The following GPR158 variants were observed in gnomAD, a reference collection of about 807,000 sequenced individuals.
The protein encoded by GPR158 is metabotropic glycine receptor.
In GPR158, 30 loss-of-function variants were observed where a neutral mutation model predicts 78.2. The observed-to-expected ratio is 0.38, with a 90% CI of 0.29 to 0.52. The LOEUF is 0.52. Among genes scored for constraint, GPR158 ranks in the 20% least tolerant of loss-of-function variants. GPR158 has a pLI of 0.83. For synonymous variants in GPR158, 581 were observed against 591.1 expected (o/e 0.98, Z 0.25); for missense variants, 1,463 against 1,523.5 (o/e 0.96, Z 0.66).
chr10:25,292,743 C>T (rs780197195), intron 2 of GPR158, among the ~76,000 whole-genome samples: 4 of 152,072 alleles, frequency 2.6e-5, no homozygotes, highest in Non-Finnish European at 5.9e-5. Context: ...CTTCCTCTCC[C>T]CACATACACA....
At chr10:25,450,548 A>AT (rs1181297821) in intron 4 of GPR158, among the ~76,000 whole-genome samples, 2 of 151,728 alleles carry the variant, frequency 1.3e-5, no homozygotes, top group African/African-American at 4.8e-5. Flanking sequence ...ATTCCGTAAA[A>AT]ATTTTTAAAT....
intron 2 of GPR158, among the ~76,000 whole-genome samples, chr10:25,362,848 A>T (rs928825426): frequency 1.2e-4 from 18 of 151,904 alleles, no homozygotes; most frequent in African/African-American, 4.3e-4. Flanking sequence ...ATCCTTGTTA[A>T]TTGACTTTCC....
chr10:25,292,300 G>C (rs923817472), intron 2 of GPR158, among the ~76,000 whole-genome samples: 1 of 151,986 alleles, frequency 6.6e-6, no homozygotes, highest in Non-Finnish European at 1.5e-5. Flanking sequence ...TTTCTATAAT[G>C]CATTTTAAAG....
At chr10:25,368,179 CCTTA>C (rs1833925289) in intron 2 of GPR158, among the ~76,000 whole-genome samples, 1 of 151,844 alleles carries the variant, frequency 6.6e-6, no homozygotes, top group Admixed American at 6.6e-5. Flanking sequence ...TTCCTTTCTG[CCTTA>C]CTTCCCTTCT....
chr10:25,289,150 CA>C (rs1226632499), intron 2 of GPR158, among the ~76,000 whole-genome samples: 9 of 152,130 alleles, frequency 5.9e-5, no homozygotes, highest in Non-Finnish European at 1.2e-4. Context: ...TTCATTTACC[CA>C]AAAACATTTA....
intron 5 of GPR158, among the ~76,000 whole-genome samples, chr10:25,548,042 T>C (rs754788769): frequency 2.0e-5 from 3 of 152,154 alleles, no homozygotes; most frequent in Non-Finnish European, 4.4e-5. Context: ...AGTAAATAAA[T>C]ATTGAATATG....
chr10:25,397,854 A>G (rs1282972922), intron 3 of GPR158, among the ~76,000 whole-genome samples: 1 of 152,174 alleles, frequency 6.6e-6, no homozygotes, highest in Non-Finnish European at 1.5e-5. Context: ...GAGTGAGGAT[A>G]TAGTCACTTT....
intron 2 of GPR158, among the ~76,000 whole-genome samples, chr10:25,378,104 T>C (rs1834106954): frequency 6.6e-6 from 1 of 152,146 alleles, no homozygotes; most frequent in Non-Finnish European, 1.5e-5. Context: ...TGGTTATTTT[T>C]TTAAAACTCT....
intron 2 of GPR158, among the ~76,000 whole-genome samples, chr10:25,347,698 C>A (rs1855392077): frequency 6.6e-6 from 1 of 152,038 alleles, no homozygotes; most frequent in Admixed American, 6.6e-5. Context: ...ATAATTCATT[C>A]ATTCCTATGG....
intron 4 of GPR158, among the ~76,000 whole-genome samples, chr10:25,450,281 G>T (rs1293942034): frequency 6.6e-6 from 1 of 151,822 alleles, no homozygotes; most frequent in African/African-American, 2.4e-5. Context: ...AGCCATGGGG[G>T]ACCCAAGGCT....
intron 2 of GPR158, among the ~76,000 whole-genome samples, chr10:25,322,908 G>A (rs998177240): frequency 1.3e-5 from 2 of 152,014 alleles, no homozygotes; most frequent in Non-Finnish European, 2.9e-5. Context: ...GTGCAGTGGT[G>A]CTATCTTGGC....
intron 2 of GPR158, among the ~76,000 whole-genome samples, chr10:25,388,722 G>A (rs1834253910): frequency 6.6e-6 from 1 of 152,238 alleles, no homozygotes; most frequent in Non-Finnish European, 1.5e-5. Flanking sequence ...CAAGATTCCT[G>A]CACTCCCATG....
At chr10:25,232,296 A>G (rs1853459068) in intron 2 of GPR158, among the ~76,000 whole-genome samples, 1 of 152,140 alleles carries the variant, frequency 6.6e-6, no homozygotes, top group Middle Eastern at 3.4e-3. Context: ...CTTATGTGGG[A>G]AAAAAATCCC....
intron 5 of GPR158, among the ~76,000 whole-genome samples, chr10:25,533,609 A>AT (rs1294630587): frequency 6.6e-6 from 1 of 151,986 alleles, no homozygotes; most frequent in Non-Finnish European, 1.5e-5. Flanking sequence ...TTCTTTATAT[A>AT]TTTCATTTAT....
At chr10:25,335,271 A>C (rs924830393) in intron 2 of GPR158, among the ~76,000 whole-genome samples, 1 of 152,120 alleles carries the variant, frequency 6.6e-6, no homozygotes, top group Admixed American at 6.6e-5. Context: ...CAGATGCCAA[A>C]GATGCAACTG....
chr10:25,566,530 G>A (rs756689630), intron 6 of GPR158, among the ~76,000 whole-genome samples: 36 of 151,502 alleles, frequency 2.4e-4, no homozygotes, highest in Non-Finnish European at 4.1e-4. Flanking sequence ...TCCTTATTCC[G>A]TCTACCTTCA....
At chr10:25,543,114 TTTTTTA>T (rs1256793956) in intron 5 of GPR158, among the ~76,000 whole-genome samples, 1 of 152,194 alleles carries the variant, frequency 6.6e-6, no homozygotes, top group African/African-American at 2.4e-5. Flanking sequence ...ATACTTTTTA[TTTTTTA>T]TTTTTATTTT....
chr10:25,301,303 C>T (rs976599397), intron 2 of GPR158, among the ~76,000 whole-genome samples: 1 of 152,112 alleles, frequency 6.6e-6, no homozygotes, highest in Non-Finnish European at 1.5e-5. Context: ...CTTTTAAGAT[C>T]CTAGCTTCTA....
chr10:25,549,455 G>T (rs1456179376), intron 5 of GPR158, among the ~76,000 whole-genome samples: 1 of 149,974 alleles, frequency 6.7e-6, no homozygotes, highest in Non-Finnish European at 1.5e-5. Context: ...GTAAAAACAG[G>T]TTTTTACTTT....
Sources: allele counts gnomAD v4.1 joint callset (sites outside exome capture counted in the v4.1 genomes callset), GRCh38; gene constraint gnomAD v4.1.1; transcripts MANE v1.5; gene names NCBI Gene and HGNC (gene_info 2026-07-23, HGNC 2026-07-21).